Variants in KRIT1 observed in about 807,000 individuals in gnomAD.
KRIT1 encodes KRIT1 ankyrin repeat containing, also known as krev interaction trapped protein 1.
In KRIT1, 45 loss-of-function variants were observed where a neutral mutation model predicts 95.8. The ratio of observed to expected loss-of-function variants is 0.47; its 90% CI spans 0.37 to 0.60. The LOEUF is 0.60. KRIT1 is among the 20% of genes least tolerant of loss of function. The pLI is 0.00. For synonymous variants in KRIT1, 282 were observed against 278.8 expected (o/e 1.01, Z -0.11); for missense variants, 788 against 877.5 (o/e 0.90, Z 1.29).
chr7:92,232,856 G>A (rs1169630140), intron 10 of KRIT1, among the ~76,000 whole-genome samples: 1 of 152,014 alleles, frequency 6.6e-6, no homozygotes, highest in South Asian at 2.1e-4. Flanking sequence ...ACCACACCCG[G>A]CTAATTTTTT....
chr7:92,221,792 G>A (rs1795205000), intron 14 of KRIT1, 110 bp downstream of exon 14: 3 of 880,402 alleles, frequency 3.4e-6, no homozygotes, highest in South Asian at 2.9e-5. Flanking sequence ...TCACAGGGAT[G>A]TAAGGATCGA....
chr7:92,214,015 C>A, intron 15 of KRIT1, 36 bp from the exon 16 acceptor site: 1 of 1,206,026 alleles, frequency 8.3e-7, no homozygotes, highest in South Asian at 1.2e-5. Context: ...TTAAATAAAT[C>A]ATCTTTAGTA....
intron 10 of KRIT1, among the ~76,000 whole-genome samples, chr7:92,229,927 G>A (rs1796946017): frequency 6.6e-6 from 1 of 152,082 alleles, no homozygotes; most frequent in Non-Finnish European, 1.5e-5. Context: ...ATCTATTTGA[G>A]AATATGTAAA....
At chr7:92,213,787 T>C in intron 16 of KRIT1, 105 bp downstream of exon 16, 1 of 744,986 alleles carries the variant, frequency 1.3e-6, no homozygotes, top group South Asian at 1.5e-5. Context: ...ACATTTTTAA[T>C]TTCAGGACTA....
intron 17 of KRIT1, among the ~76,000 whole-genome samples, chr7:92,209,560 G>A (rs1242055459): frequency 6.6e-6 from 1 of 152,094 alleles, no homozygotes; most frequent in Non-Finnish European, 1.5e-5. Context: ...TCTATACACC[G>A]ATAATGAACC....
intron 14 of KRIT1, among the ~76,000 whole-genome samples, chr7:92,215,530 C>T (rs1793780026): frequency 6.6e-6 from 1 of 152,178 alleles, no homozygotes; most frequent in Non-Finnish European, 1.5e-5. Context: ...AGTGCAGTGG[C>T]ATGAACATGG....
intron 10 of KRIT1, among the ~76,000 whole-genome samples, chr7:92,228,163 A>T (rs921866958): frequency 3.3e-5 from 5 of 152,190 alleles, no homozygotes; most frequent in African/African-American, 1.2e-4. Flanking sequence ...CCTGAACTGA[A>T]TTTTTAAATA....
intron 16 of KRIT1, 83 bp downstream of exon 16, chr7:92,213,809 T>C (rs1050998354): frequency 2.4e-6 from 2 of 824,440 alleles, no homozygotes; most frequent in African/African-American, 1.7e-5. Flanking sequence ...AAATTTAATC[T>C]ACCTCTGTTT....
At position 92,222,037 on chromosome 7, in the gene KRIT1, T is replaced by A; in HGVS notation, c.1428A>T (p.Pro476=). ...GAACATGTTGCAAGGGTTTATGATA[T>A]GGTTTGAGTTGAAGGCCTGAAAAAC... is the stretch of plus-strand genomic sequence containing the variant. The part of the protein sequence containing the change: ...CSENLSLQLK[P]YHKPLQHVRD... The change falls in exon 14 of 19, where the codon CCA becomes CCT. Residue 476 remains proline (P), a synonymous_variant. Coordinates refer to ENST00000394505, the MANE Select transcript of KRIT1 (RefSeq NM_194454.3). 1.9e-6 allele frequency: 3 copies of A among 1,613,550 alleles called. No individual in the cohort carries two copies. The highest frequency in any genetic ancestry group is 2.5e-6 in the Non-Finnish European group (3 of 1,179,532).
intron 14 of KRIT1, among the ~76,000 whole-genome samples, chr7:92,218,674 T>G (rs1434490623): frequency 6.6e-6 from 1 of 152,134 alleles, no homozygotes; most frequent in Non-Finnish European, 1.5e-5. Flanking sequence ...CACCGAACCC[T>G]GATCATTTTT....
chr7:92,234,430 G>C lies in KRIT1; in HGVS notation c.989+19C>G, dbSNP rs925936067. The C allele has an allele frequency of 1.3e-6, 2 of 1,552,586 alleles. No homozygotes were observed. The highest frequency in any genetic ancestry group is 2.2e-5 in the South Asian group (2 of 89,502). On this transcript the variant is annotated intron_variant, in intron 10 of 18. Coordinates refer to ENST00000394505, the MANE Select transcript of KRIT1 (RefSeq NM_194454.3). The stretch of plus-strand genomic sequence containing the variant: ...AAATGTATTCTTTCTAAAAAGAAAA[G>C]AATAAATATTCCATTTACCAGCATG...
rs753361614 is a variant in KRIT1 at position 92,235,607 on chromosome 7, T to C, written c.525A>G (p.Pro175=). 8.1e-6 allele frequency: 13 copies of C among 1,613,694 alleles called. No homozygotes were observed. In the Admixed American group the frequency reaches 1.0e-4, roughly 12 times the overall value. The change falls in exon 8 of 19, where the codon CCA becomes CCG. Residue 175 remains proline, a synonymous_variant. Transcript: ENST00000394505. Reference sequence around the variant, plus strand: ...CAAGAGGAGAAGGTCGGAATAAAGCTGGAATAAAGTGAGATTGTGCATGAC... The same window carrying C: ...CAAGAGGAGAAGGTCGGAATAAAGCCGGAATAAAGTGAGATTGTGCATGAC... The part of the protein sequence containing the change: ...DERHAQSHFI[P]ALFRPSPLER...
At chr7:92,219,805 T>C (rs1011732649) in intron 14 of KRIT1, among the ~76,000 whole-genome samples, 5 of 152,248 alleles carry the variant, frequency 3.3e-5, no homozygotes, top group Admixed American at 2.6e-4. Flanking sequence ...GTCTTATTTT[T>C]CAGCAATGTT....
At chr7:92,223,322 G>A (rs1044438454) in intron 12 of KRIT1, among the ~76,000 whole-genome samples, 5 of 148,962 alleles carry the variant, frequency 3.4e-5, no homozygotes, top group East Asian at 2.0e-4. Context: ...GCAGGCACCT[G>A]TAGTCCCAGC....
intron 5 of KRIT1, among the ~76,000 whole-genome samples, chr7:92,240,372 C>T (rs1799361041): frequency 1.3e-5 from 2 of 152,122 alleles, no homozygotes; most frequent in Admixed American, 1.3e-4. Flanking sequence ...GAACTGTTTT[C>T]TACTGCTGCT....
rs1207066410 is a variant in KRIT1 at position 92,226,562 on chromosome 7, TA to T, written c.1109del (p.Ile370LysfsTer6). On this transcript the variant is annotated frameshift_variant, in exon 11 of 19. Coordinates refer to ENST00000394505, the MANE Select transcript of KRIT1 (RefSeq NM_194454.3). LOFTEE classifies it high-confidence loss of function. Reference sequence around the variant, plus strand: ...CTGGGTGGTTTAGGAGAATCTGTACTATTTCAGCATGTCCTCCTCCAGCAGC... The same window carrying T: ...CTGGGTGGTTTAGGAGAATCTGTACTTTTCAGCATGTCCTCCTCCAGCAGC... ...HFAAGGGHAE[I>X]VQILLNHPET... The T allele has an allele frequency of 6.2e-7, 1 of 1,613,116 alleles. No homozygotes were observed. The highest frequency in any genetic ancestry group is 8.5e-7 in the Non-Finnish European group (1 of 1,179,272).
At chr7:92,209,489 G>C (rs911934199) in intron 17 of KRIT1, among the ~76,000 whole-genome samples, 1 of 152,084 alleles carries the variant, frequency 6.6e-6, no homozygotes, top group Non-Finnish European at 1.5e-5. Context: ...TAACAGAACT[G>C]ATAAAACAAA....
At chr7:92,233,779 A>G (rs565402236) in intron 10 of KRIT1, among the ~76,000 whole-genome samples, 42 of 152,172 alleles carry the variant, frequency 2.8e-4, no homozygotes, top group Non-Finnish European at 5.3e-4. Context: ...GAAATAATGT[A>G]AAAAACTTTA....
intron 10 of KRIT1, among the ~76,000 whole-genome samples, chr7:92,233,197 T>C (rs566785965): frequency 2.8e-5 from 4 of 143,868 alleles, no homozygotes; most frequent in East Asian, 2.0e-4. Flanking sequence ...CACACACACA[T>C]ATAAAGCAAC....
Sources: gnomAD v4.1 joint callset for allele counts (sites outside exome capture counted in the v4.1 genomes callset) on GRCh38, gnomAD v4.1.1 for gene constraint, MANE v1.5 for transcripts, NCBI Gene and HGNC (gene_info 2026-07-23, HGNC 2026-07-21) for gene names.